DPP6: variants seen among roughly 807,000 people sequenced by gnomAD.
DPP6 encodes the protein A-type potassium channel modulatory protein DPP6.
In DPP6, 69 loss-of-function variants were observed where a neutral mutation model predicts 122.6. That is an observed-to-expected ratio of 0.56 (90% confidence interval 0.46 to 0.69). DPP6 has a LOEUF of 0.69. Among genes scored for constraint, DPP6 ranks in the 30% least tolerant of loss-of-function variants. The probability of loss-of-function intolerance (pLI) is 0.00; values close to 1 mark genes in which losing one functional copy is unlikely to be tolerated. For missense variants in DPP6, 928 were observed against 1,116.9 expected, an observed-to-expected ratio of 0.83 and a Z score of 2.41; for synonymous variants, 418 against 433.1, an observed-to-expected ratio of 0.97 and a Z score of 0.43.
intron 1 of DPP6, among the ~76,000 whole-genome samples, chr7:154,010,263 C>T (rs1303601372): frequency 6.6e-6 from 1 of 152,228 alleles, no homozygotes; most frequent in Non-Finnish European, 1.5e-5. Context: ...AGCAAATCTG[C>T]CTCAGCAAAC....
chr7:153,959,915 A>G (rs191043533), intron 1 of DPP6, among the ~76,000 whole-genome samples: 3 of 121,648 alleles, frequency 2.5e-5, no homozygotes, highest in African/African-American at 3.4e-5. Context: ...CTCACTCAGC[A>G]TAATCATTTC....
chr7:154,030,370 G>A lies in DPP6; in HGVS notation c.51+142636G>A, dbSNP rs191232003. 3.9e-3 allele frequency among the ~76,000 whole-genome samples: 592 copies of A among 152,282 alleles called. 4 individuals are homozygous for A. Among genetic ancestry groups the A allele is most frequent in the African/African-American group, 0.014 (561 of 41,554 alleles). ...AGGCCCCAGAGGAGGCTTCTGTGGGGTGGTGAGGGCACCAGGTGTGAGTTG... is the reference window on the plus strand; with the variant it reads ...AGGCCCCAGAGGAGGCTTCTGTGGGATGGTGAGGGCACCAGGTGTGAGTTG... On this transcript the variant is annotated intron_variant, in intron 1 of 25. Coordinates refer to the DPP6 transcript ENST00000404039.
chr7:154,548,928 G>A (rs542455057), intron 4 of DPP6, among the ~76,000 whole-genome samples: 20 of 152,254 alleles, frequency 1.3e-4, no homozygotes, highest in East Asian at 9.6e-4. Context: ...GAGAAAAGTC[G>A]GAAATGGCAT....
At chr7:154,405,606 G>T (rs970995657) in intron 1 of DPP6, among the ~76,000 whole-genome samples, 1 of 152,102 alleles carries the variant, frequency 6.6e-6, no homozygotes, top group Non-Finnish European at 1.5e-5. Flanking sequence ...GGCTCTGGAG[G>T]CTCAGCTCCC....
intron 1 of DPP6, among the ~76,000 whole-genome samples, chr7:154,440,136 A>T (rs1253604133): frequency 6.6e-6 from 1 of 152,166 alleles, no homozygotes; most frequent in East Asian, 1.9e-4. Context: ...ACCAAAATTA[A>T]CTTCTAATTA....
chr7:154,889,193 C>T lies in DPP6; in HGVS notation c.2305-79C>T. On this transcript the variant is annotated intron_variant, in intron 23 of 25. Coordinates refer to ENST00000377770, the MANE Select transcript of DPP6 (RefSeq NM_130797.4). ...TTTCAATACACTTCACCTACCTTCT[C>T]AGTCAGGTTTCCAAGCAGAACACCT... 3 of 1,542,566 alleles carry T rather than the reference C, an allele frequency of 1.9e-6. No homozygotes were observed. In the East Asian group the frequency reaches 7.1e-5, roughly 36 times the overall value.
chr7:154,754,827 G>A (rs1206096143), intron 8 of DPP6, among the ~76,000 whole-genome samples: 1 of 152,146 alleles, frequency 6.6e-6, no homozygotes, highest in Non-Finnish European at 1.5e-5. Context: ...TCCTTTGCAG[G>A]GACATGGATG....
chr7:154,416,292 A>G (rs1817008457), intron 1 of DPP6, among the ~76,000 whole-genome samples: 1 of 152,110 alleles, frequency 6.6e-6, no homozygotes, highest in Admixed American at 6.5e-5. Context: ...ACCCAAGCAG[A>G]TGATCCTGCT....
chr7:153,832,028 T>C, the DPP6 span, among the ~76,000 whole-genome samples: 1 of 152,212 alleles, frequency 6.6e-6, no homozygotes, highest in African/African-American at 2.4e-5. Flanking sequence ...TTTAGGAGGC[T>C]ATTCTAAGAG....
At chr7:153,910,791 C>T (rs909302096) in intron 1 of DPP6, among the ~76,000 whole-genome samples, 12 of 152,158 alleles carry the variant, frequency 7.9e-5, no homozygotes, top group African/African-American at 2.4e-4. Context: ...CCTTTGGTTT[C>T]GTTCTCACTT....
At chr7:154,062,670 G>A (rs1259271054) in intron 1 of DPP6, among the ~76,000 whole-genome samples, 1 of 60,684 alleles carries the variant, frequency 1.6e-5, no homozygotes, top group East Asian at 5.7e-4. Context: ...CCCCCGCGAG[G>A]GTGGGGACTG....
At chr7:154,205,783 AAT>A (rs1563315969) in intron 1 of DPP6, among the ~76,000 whole-genome samples, 2,023 of 142,478 alleles carry the variant, frequency 0.014, 36 homozygotes, top group African/African-American at 0.052. Flanking sequence ...AAAAAAAAAA[AAT>A]TAATTAATTA....
intron 6 of DPP6, among the ~76,000 whole-genome samples, chr7:154,655,525 A>G (rs2131014124): frequency 6.6e-6 from 1 of 152,354 alleles, no homozygotes; most frequent in East Asian, 1.9e-4. Flanking sequence ...GAAAGAAAGA[A>G]AAGTGAAGGA....
intron 1 of DPP6, among the ~76,000 whole-genome samples, chr7:153,973,632 CGTGT>C (rs773321136): frequency 0.025 from 2,852 of 113,466 alleles, 107 homozygotes; most frequent in African/African-American, 0.076. Flanking sequence ...CACCATCGCT[CGTGT>C]GTGTGTGTGT....
chr7:154,210,487 T>C lies in DPP6; in HGVS notation c.243+157424T>C, dbSNP rs76998078. ...AGTAATTGCAGTATCTACCTGATAA[T>C]GGTGTTGGAAGGATTCTATGATTAA... is the stretch of plus-strand genomic sequence containing the variant. On this transcript the variant is annotated intron_variant, in intron 1 of 25. Transcript: ENST00000377770. Among the ~76,000 whole-genome samples, 741 of 152,320 alleles carry C rather than the reference T, an allele frequency of 4.9e-3. 9 individuals are homozygous for C. The highest frequency in any genetic ancestry group is 0.017 in the African/African-American group (708 of 41,570).
At chr7:154,286,686 G>C (rs1427246255) in intron 1 of DPP6, among the ~76,000 whole-genome samples, 1 of 152,084 alleles carries the variant, frequency 6.6e-6, no homozygotes, top group Non-Finnish European at 1.5e-5. Context: ...GGACTGTCCA[G>C]CCCTCTCCAT....
At chr7:153,799,997 T>C in the DPP6 span, among the ~76,000 whole-genome samples, 1 of 152,188 alleles carries the variant, frequency 6.6e-6, no homozygotes, top group Admixed American at 6.5e-5. Context: ...GCACAGCCAC[T>C]GTGGACAACA....
At chr7:154,229,736 C>T (rs1800809574) in intron 1 of DPP6, among the ~76,000 whole-genome samples, 1 of 152,050 alleles carries the variant, frequency 6.6e-6, no homozygotes, top group African/African-American at 2.4e-5. Context: ...GATGTTTGTT[C>T]TTGCTGCAAT....
the DPP6 span, among the ~76,000 whole-genome samples, chr7:153,874,620 C>T: frequency 6.6e-6 from 1 of 152,218 alleles, no homozygotes; most frequent in Non-Finnish European, 1.5e-5. Flanking sequence ...AAGTGATCCA[C>T]CCACCTAGGC....
Sources: allele counts gnomAD v4.1 joint callset (sites outside exome capture counted in the v4.1 genomes callset), GRCh38; gene constraint gnomAD v4.1.1; transcripts MANE v1.5; gene names NCBI Gene and HGNC (gene_info 2026-07-23, HGNC 2026-07-21).